CA6: variants seen among roughly 807,000 people sequenced by gnomAD.
The protein encoded by CA6 is carbonic anhydrase 6, also known as carbonate dehydratase VI.
In CA6, 28 loss-of-function variants were observed where a neutral mutation model predicts 35.9. The observed-to-expected ratio is 0.78, with a 90% CI of 0.58 to 1.07. The LOEUF is 1.07. CA6 is among the 50% of genes least tolerant of loss of function. The pLI is 0.00. For synonymous variants in CA6, 148 were observed against 152.6 expected, an observed-to-expected ratio of 0.97 and a Z score of 0.22; for missense variants, 377 against 382.0, an observed-to-expected ratio of 0.99 and a Z score of 0.11.
chr1:8,947,181 T>C (rs764977399), intron 1 of CA6, among the ~76,000 whole-genome samples: 1 of 152,076 alleles, frequency 6.6e-6, no homozygotes, highest in Non-Finnish European at 1.5e-5. Context: ...GAGCCAAAGC[T>C]AGAAGGCCGT....
At chr1:8,951,298 C>A in intron 2 of CA6, 1 of 589,842 alleles carries the variant, frequency 1.7e-6, no homozygotes, top group East Asian at 2.8e-5. Context: ...GAATGAAGCT[C>A]TGTCTGTAAA....
chr1:8,953,522 G>C (rs1639594340), intron 2 of CA6, among the ~76,000 whole-genome samples: 2 of 152,150 alleles, frequency 1.3e-5, no homozygotes, highest in Admixed American at 6.6e-5. Flanking sequence ...AGGAGGTTGA[G>C]GTGCGAGGCT....
intron 6 of CA6, among the ~76,000 whole-genome samples, 192 bp from the exon 7 acceptor site, chr1:8,970,675 A>G (rs987214043): frequency 6.6e-6 from 1 of 151,922 alleles, no homozygotes; most frequent in Admixed American, 6.6e-5. Flanking sequence ...TGATCAGCTA[A>G]TTTTTAGTAG....
intron 7 of CA6, among the ~76,000 whole-genome samples, chr1:8,974,080 C>T (rs1419106481): frequency 6.6e-6 from 1 of 152,188 alleles, no homozygotes; most frequent in African/African-American, 2.4e-5. Flanking sequence ...CCACTTCAGC[C>T]TCCCAAAGTG....
chr1:8,972,634 G>A (rs969955646), intron 7 of CA6, among the ~76,000 whole-genome samples: 1 of 152,082 alleles, frequency 6.6e-6, no homozygotes, highest in Non-Finnish European at 1.5e-5. Flanking sequence ...AGTGAGCCGA[G>A]ATTGCGCCAC....
chr1:8,958,985 C>T lies in CA6; in HGVS notation c.484C>T (p.Leu162=). The part of the protein sequence containing the change: ...AQDAPDGLAV[L]AAFVEVKNYP... ...AGATGCGCCGGATGGTTTGGCTGTA[C>T]TGGCAGCCTTCGTTGAGGTAAGCAG... Residue 162 remains leucine (L), a synonymous_variant, in exon 4 of 8, where the codon CTG becomes TTG. Transcript: ENST00000377443. 2 of 1,609,496 alleles carry T rather than the reference C, an allele frequency of 1.2e-6. No individual in the cohort carries two copies. Among genetic ancestry groups the T allele is most frequent in the Non-Finnish European group, 8.5e-7 (1 of 1,175,904 alleles).
At chr1:8,951,479 A>C in intron 2 of CA6, 1 of 765,124 alleles carries the variant, frequency 1.3e-6, no homozygotes, top group Non-Finnish European at 2.4e-6. Context: ...AGAAGGGGCG[A>C]AGCACAAAGG....
At chr1:8,960,797 T>TATATATATATAA (rs1240730342) in intron 4 of CA6, among the ~76,000 whole-genome samples, 8 of 115,148 alleles carry the variant, frequency 6.9e-5, no homozygotes, top group East Asian at 2.4e-4. Context: ...CACATATATA[T>TATATATATATAA]AATGGGAGTC....
intron 4 of CA6, among the ~76,000 whole-genome samples, chr1:8,960,410 AC>A (rs1234256882): frequency 1.3e-5 from 2 of 151,904 alleles, no homozygotes; most frequent in Non-Finnish European, 2.9e-5. Flanking sequence ...AAAAAAAAAA[AC>A]AACTATCATA....
At chr1:8,962,732 C>T in intron 5 of CA6, 76 bp downstream of exon 5, 1 of 1,298,388 alleles carries the variant, frequency 7.7e-7, no homozygotes. Flanking sequence ...GCCCAGGGGG[C>T]AGGGGATTGA....
intron 1 of CA6, among the ~76,000 whole-genome samples, chr1:8,946,319 A>ACCATGCCCAGTCAGGTTTTGAAAGGTTTC (rs1557616800): frequency 2.6e-5 from 4 of 152,178 alleles, no homozygotes; most frequent in African/African-American, 9.6e-5. Flanking sequence ...GGCATGAGCC[A>ACCATGCCCAGTCAGGTTTTGAAAGGTTTC]TTGCGCCCGG....
intron 4 of CA6, among the ~76,000 whole-genome samples, chr1:8,960,826 G>A (rs559456040): frequency 1.4e-5 from 2 of 145,722 alleles, no homozygotes; most frequent in African/African-American, 5.1e-5. Flanking sequence ...AAAGGAGAGA[G>A]AGAAAGTGGA....
intron 5 of CA6, among the ~76,000 whole-genome samples, chr1:8,964,066 T>C (rs1167239903): frequency 6.6e-6 from 1 of 152,148 alleles, no homozygotes; most frequent in Admixed American, 6.6e-5. Context: ...CTCCGCTCCT[T>C]AACCCACGTG....
At position 8,959,012 on chromosome 1, in the gene CA6, A is replaced by AACT. The variant is rs1639764651; in HGVS notation, c.501+13_501+15dup. The stretch of plus-strand genomic sequence containing the variant: ...GGCAGCCTTCGTTGAGGTAAGCAGA[A>AACT]ACTACCCATGTGTGTCTGTATTTGA... On this transcript the variant is annotated intron_variant, in intron 4 of 7. Coordinates refer to ENST00000377443, the MANE Select transcript of CA6 (RefSeq NM_001215.4). 6.5e-7 allele frequency: 1 copy of AACT among 1,543,334 alleles called. No individual in the cohort carries two copies. Among genetic ancestry groups the AACT allele is most frequent in the South Asian group, 1.1e-5 (1 of 89,502 alleles).
intron 2 of CA6, among the ~76,000 whole-genome samples, chr1:8,953,847 G>C (rs374421907): frequency 4.6e-5 from 7 of 152,312 alleles, no homozygotes; most frequent in African/African-American, 1.7e-4. Flanking sequence ...CACAGGATGA[G>C]ATAGGAGGTT....
At chr1:8,965,922 G>A (rs1006039030) in intron 5 of CA6, among the ~76,000 whole-genome samples, 1 of 151,096 alleles carries the variant, frequency 6.6e-6, no homozygotes, top group Admixed American at 6.6e-5. Context: ...ATTCCATTGT[G>A]TGGATATATG....
intron 7 of CA6, chr1:8,974,407 C>T (rs1181210482): frequency 3.2e-6 from 5 of 1,540,988 alleles, no homozygotes; most frequent in Non-Finnish European, 4.3e-6. Flanking sequence ...CCCACCTCAA[C>T]ACGCCACCCC....
In CA6 at chr1:8,963,591, G is replaced by C. The variant is rs908610188; in HGVS notation, c.571+935G>C. On this transcript the variant is annotated intron_variant, in intron 5 of 7. Coordinates refer to ENST00000377443, the MANE Select transcript of CA6 (RefSeq NM_001215.4). The surrounding 1 kb of genome is among the most constrained non-coding windows in gnomAD (Gnocchi z 4.1). ...TGGTCTTGGTCTGTTGCATAGGCTGGGGTGCAATGGCGCGATCATGGCTCA... is the reference window on the plus strand; with the variant it reads ...TGGTCTTGGTCTGTTGCATAGGCTGCGGTGCAATGGCGCGATCATGGCTCA... Among the ~76,000 whole-genome samples, 2 of 152,146 alleles carry C rather than the reference G, an allele frequency of 1.3e-5. No homozygotes were observed. The highest frequency in any genetic ancestry group is 2.9e-5 in the Non-Finnish European group (2 of 68,030).
rs748103185 is a variant in CA6, at chr1:8,951,658, C to A, written c.259+2216C>A. 9 of 765,022 alleles carry A rather than the reference C, an allele frequency of 1.2e-5. No homozygotes were observed. In the South Asian group the frequency reaches 1.2e-4, roughly 10 times the overall value. The allele number at this position is 765,022 out of a possible 1,614,324, so 47.4% of individuals were successfully genotyped here. Reference sequence around the variant, plus strand: ...CAGCTTCCCAAGGGGCTTGCAGCGGCTCCCGCCTCCCAATTTCCAGAGGAC... The same window carrying A: ...CAGCTTCCCAAGGGGCTTGCAGCGGATCCCGCCTCCCAATTTCCAGAGGAC... On this transcript the variant is annotated intron_variant, in intron 2 of 7. Transcript: ENST00000377443.
Sources: gnomAD v4.1 joint callset for allele counts (sites outside exome capture counted in the v4.1 genomes callset) on GRCh38, gnomAD v4.1.1 for gene constraint, Gnocchi (gnomAD v3.1) non-coding constraint, MANE v1.5 for transcripts, NCBI Gene and HGNC (gene_info 2026-07-23, HGNC 2026-07-21) for gene names.